ALOX5AP: variants seen among roughly 807,000 people sequenced by gnomAD.
The protein encoded by ALOX5AP is arachidonate 5-lipoxygenase-activating protein.
A neutral mutation model predicts 18.5 loss-of-function variants in ALOX5AP; 9 were observed. The ratio of observed to expected loss-of-function variants is 0.49; its 90% CI spans 0.29 to 0.85. ALOX5AP has a LOEUF of 0.85. Among genes scored for constraint, ALOX5AP ranks in the 40% least tolerant of loss-of-function variants. The pLI is 0.08. For synonymous variants in ALOX5AP, 81 were observed against 78.6 expected (o/e 1.03, Z -0.16); for missense variants, 172 against 202.5 (o/e 0.85, Z 0.91).
At chr13:30,761,281 G>GA (rs1951939359) in intron 4 of ALOX5AP, among the ~76,000 whole-genome samples, 1 of 152,178 alleles carries the variant, frequency 6.6e-6, no homozygotes, top group South Asian at 2.1e-4. Flanking sequence ...TGAGACCTTG[G>GA]AAAAAATCCT....
chr13:30,731,847 C>T (rs748005592), upstream of ALOX5AP, among the ~76,000 whole-genome samples: 2 of 152,258 alleles, frequency 1.3e-5, no homozygotes, highest in Non-Finnish European at 2.9e-5. Flanking sequence ...CTGGGCTGCT[C>T]TGGACTGCGG....
chr13:30,748,383 CTA>C (rs1951826007), intron 2 of ALOX5AP, among the ~76,000 whole-genome samples: 1 of 152,174 alleles, frequency 6.6e-6, no homozygotes, highest in Non-Finnish European at 1.5e-5. Flanking sequence ...TAAAGAGTTT[CTA>C]TGTTTTATTC....
intron 1 of ALOX5AP, among the ~76,000 whole-genome samples, chr13:30,723,145 C>A (rs1951607272): frequency 6.6e-6 from 1 of 152,186 alleles, no homozygotes; most frequent in East Asian, 1.9e-4. Flanking sequence ...CTCTTCTCAC[C>A]ATACATATTT....
rs575720506 is a variant in ALOX5AP, at chr13:30,749,959, G to A, written c.171-2093G>A. ...GGCATGAGACCCTAATGGTTTGCAT[G>A]AGCAGTTTGAAAATTGCATCTTTGT... On this transcript the variant is annotated intron_variant, in intron 2 of 4. Coordinates refer to ENST00000380490, the MANE Select transcript of ALOX5AP (RefSeq NM_001629.4). 3.9e-5 allele frequency among the ~76,000 whole-genome samples: 6 copies of A among 152,236 alleles called. No homozygotes were observed. The South Asian group carries it at 1.2e-3, about 32-fold the overall frequency.
chr13:30,714,213 A>G, intron 1 of ALOX5AP, among the ~76,000 whole-genome samples: 1 of 151,552 alleles, frequency 6.6e-6, no homozygotes. Context: ...TTTCAAAAAA[A>G]AAAAAAAAAA....
upstream of ALOX5AP, among the ~76,000 whole-genome samples, chr13:30,733,991 G>T (rs796398470): frequency 1.3e-5 from 2 of 152,138 alleles, no homozygotes; most frequent in Admixed American, 1.3e-4. Context: ...ATGCAGACTG[G>T]TCTCCACCAG....
chr13:30,744,904 C>G (rs1224814750), intron 2 of ALOX5AP, among the ~76,000 whole-genome samples: 2 of 152,184 alleles, frequency 1.3e-5, no homozygotes, highest in African/African-American at 4.8e-5. Context: ...AGGCCTCATG[C>G]TAGAGAGCTA....
At chr13:30,731,977 A>G (rs998396062), upstream of ALOX5AP, among the ~76,000 whole-genome samples, 1 of 152,230 alleles carries the variant, frequency 6.6e-6, no homozygotes, top group African/African-American at 2.4e-5. Context: ...GATGAATGGC[A>G]TTTCCAAAGG....
intron 1 of ALOX5AP, among the ~76,000 whole-genome samples, chr13:30,727,857 C>T (rs144151635): frequency 1.2e-3 from 186 of 152,210 alleles, no homozygotes; most frequent in Non-Finnish European, 1.5e-3. Context: ...TTTGGGTTGT[C>T]CTTGCTTCCC....
intron 4 of ALOX5AP, among the ~76,000 whole-genome samples, chr13:30,757,471 C>T (rs1026739020): frequency 1.2e-4 from 19 of 152,290 alleles, no homozygotes; most frequent in African/African-American, 3.6e-4. Context: ...ATCAACACTG[C>T]CCTAAATGAT....
At chr13:30,728,988 T>A (rs1188596179) in intron 1 of ALOX5AP, among the ~76,000 whole-genome samples, 1 of 152,248 alleles carries the variant, frequency 6.6e-6, no homozygotes, top group East Asian at 1.9e-4. Flanking sequence ...TTCCAATAGA[T>A]GTATTGTGTT....
At chr13:30,754,447 C>A (rs1239275424) in intron 3 of ALOX5AP, among the ~76,000 whole-genome samples, 1 of 152,134 alleles carries the variant, frequency 6.6e-6, no homozygotes, top group Admixed American at 6.5e-5. Context: ...TAAAACAGGA[C>A]CATGGTCTAG....
intron 1 of ALOX5AP, among the ~76,000 whole-genome samples, chr13:30,724,052 TC>T (rs1301519523): frequency 6.6e-6 from 1 of 152,212 alleles, no homozygotes; most frequent in African/African-American, 2.4e-5. Flanking sequence ...ATGAGACATT[TC>T]CATTACCCCA....
At chr13:30,715,259 G>T (rs9506350) in intron 1 of ALOX5AP, among the ~76,000 whole-genome samples, 8,438 of 152,230 alleles carry the variant, frequency 0.055, 264 homozygotes, top group South Asian at 0.097. Flanking sequence ...TATAATACCT[G>T]TCTTATTGGG....
chr13:30,729,333 G>A (rs978739882), intron 1 of ALOX5AP, among the ~76,000 whole-genome samples: 3 of 152,042 alleles, frequency 2.0e-5, no homozygotes, highest in African/African-American at 7.2e-5. Context: ...AAGGGTCAAG[G>A]TTCATTTTCT....
At chr13:30,739,234 A>G (rs1951743952) in intron 1 of ALOX5AP, among the ~76,000 whole-genome samples, 1 of 152,014 alleles carries the variant, frequency 6.6e-6, no homozygotes, top group South Asian at 2.1e-4. Context: ...GCTTAGTTTT[A>G]TCTCATATAA....
At chr13:30,747,973 G>A (rs548322221) in intron 2 of ALOX5AP, among the ~76,000 whole-genome samples, 2 of 151,946 alleles carry the variant, frequency 1.3e-5, no homozygotes, top group Non-Finnish European at 2.9e-5. Flanking sequence ...AGGCTGGAGT[G>A]CAGTGGTGCA....
chr13:30,732,753 G>C (rs1369051269), upstream of ALOX5AP, among the ~76,000 whole-genome samples: 1 of 152,112 alleles, frequency 6.6e-6, no homozygotes. Flanking sequence ...GAGAGAATAC[G>C]TTTGACATGC....
chr13:30,761,678 G>T (rs1322714060), intron 4 of ALOX5AP, among the ~76,000 whole-genome samples: 1 of 152,164 alleles, frequency 6.6e-6, no homozygotes, highest in African/African-American at 2.4e-5. Context: ...CAAGATCAAA[G>T]TGTGGGCAGG....
Sources: allele counts gnomAD v4.1 joint callset (sites outside exome capture counted in the v4.1 genomes callset), GRCh38; gene constraint gnomAD v4.1.1; transcripts MANE v1.5; gene names NCBI Gene and HGNC (gene_info 2026-07-23, HGNC 2026-07-21).